Variants in CAMTA1 observed in about 807,000 individuals in gnomAD.
The protein encoded by CAMTA1 is calmodulin-binding transcription activator 1.
A neutral mutation model predicts 170.9 loss-of-function variants in CAMTA1; 27 were observed. The observed-to-expected ratio is 0.16, with a 90% CI of 0.12 to 0.22. The LOEUF is 0.22. Among genes scored for constraint, CAMTA1 ranks in the 10% least tolerant of loss-of-function variants. The probability of loss-of-function intolerance (pLI) is 1.00; values close to 1 mark genes in which losing one functional copy is unlikely to be tolerated. For missense variants in CAMTA1, 1,619 were observed against 2,217.2 expected (o/e 0.73, Z 5.42); for synonymous variants, 833 against 891.5 (o/e 0.93, Z 1.17).
At chr1:7,612,015 C>T (rs374975838) in intron 6 of CAMTA1, among the ~76,000 whole-genome samples, 1 of 152,252 alleles carries the variant, frequency 6.6e-6, no homozygotes. Context: ...TGCTTTTGGG[C>T]TCTGGCCCCA....
chr1:6,811,074 C>T (rs544351659), intron 1 of CAMTA1, among the ~76,000 whole-genome samples: 1 of 152,166 alleles, frequency 6.6e-6, no homozygotes, highest in Non-Finnish European at 1.5e-5. Flanking sequence ...TATGTGCTCT[C>T]TCCTGTTAGA....
Position 7,736,332 on chromosome 1 carries a change from T to C in CAMTA1, c.3067-12T>C. 1 of 1,612,986 alleles carries C rather than the reference T, an allele frequency of 6.2e-7. No individual in the cohort carries two copies. The highest frequency in any genetic ancestry group is 1.1e-5 in the South Asian group (1 of 90,942). ...TAGTCCTGAGGTCGTAACGTGCGCT[T>C]TTTTGTGACAGTGTGCTTCTGGGAC... On this transcript the variant is annotated splice_polypyrimidine_tract_variant and intron_variant, in intron 12 of 22. Coordinates refer to ENST00000303635, the MANE Select transcript of CAMTA1 (RefSeq NM_015215.4). This position sits in a 1 kb window ranked among gnomAD's most constrained non-coding sequence, Gnocchi z 4.5.
chr1:7,695,243 C>T (rs561437276), intron 11 of CAMTA1, among the ~76,000 whole-genome samples: 22 of 152,268 alleles, frequency 1.4e-4, no homozygotes, highest in Admixed American at 3.3e-4. Flanking sequence ...AAATGACTGA[C>T]GCATTCATCA....
chr1:7,531,664 G>A (rs2094493995), intron 6 of CAMTA1, among the ~76,000 whole-genome samples: 2 of 152,362 alleles, frequency 1.3e-5, no homozygotes, highest in South Asian at 4.1e-4. Context: ...CCTCTCGCCA[G>A]GTCCACTCCC....
At chr1:7,318,288 G>GC (rs1677841253) in intron 5 of CAMTA1, among the ~76,000 whole-genome samples, 1 of 152,236 alleles carries the variant, frequency 6.6e-6, no homozygotes, top group Admixed American at 6.5e-5. Context: ...CATTGGGTCA[G>GC]CCCGTAAAGG....
At chr1:7,184,419 C>T (rs1652837765) in intron 4 of CAMTA1, among the ~76,000 whole-genome samples, 1 of 152,126 alleles carries the variant, frequency 6.6e-6, no homozygotes, top group African/African-American at 2.4e-5. Flanking sequence ...GTGATGGACA[C>T]ACCATTTATC....
chr1:7,612,615 G>A (rs769792403), intron 6 of CAMTA1, among the ~76,000 whole-genome samples: 13 of 152,258 alleles, frequency 8.5e-5, no homozygotes, highest in Middle Eastern at 3.4e-3. Flanking sequence ...GTATTTCCTT[G>A]CCTCCTGTCC....
chr1:7,135,005 A>C, intron 4 of CAMTA1, among the ~76,000 whole-genome samples: 1 of 152,196 alleles, frequency 6.6e-6, no homozygotes, highest in East Asian at 1.9e-4. Context: ...CACATGGAAA[A>C]ATGCTCATCC....
chr1:7,587,400 G>A (rs920999953), intron 6 of CAMTA1, among the ~76,000 whole-genome samples: 3 of 152,076 alleles, frequency 2.0e-5, no homozygotes, highest in African/African-American at 7.3e-5. Context: ...TACCGGGAGT[G>A]TGGGGCCTGC....
chr1:6,806,736 C>G (rs975251012), intron 1 of CAMTA1, among the ~76,000 whole-genome samples: 2 of 152,004 alleles, frequency 1.3e-5, no homozygotes, highest in Admixed American at 1.3e-4. Flanking sequence ...ATGTGGTATT[C>G]TGGTTAATAT....
At chr1:6,930,748 G>A (rs1439153008) in intron 3 of CAMTA1, among the ~76,000 whole-genome samples, 2 of 152,220 alleles carry the variant, frequency 1.3e-5, no homozygotes, top group African/African-American at 4.8e-5. Context: ...AGCCATCTCT[G>A]GTCTCTGGGG....
intron 6 of CAMTA1, among the ~76,000 whole-genome samples, chr1:7,483,823 G>A (rs1033441110): frequency 2.6e-5 from 4 of 152,124 alleles, no homozygotes; most frequent in Admixed American, 6.5e-5. Context: ...CCCACAGGCC[G>A]TGGCAGGACC....
chr1:7,761,068 C>G (rs2096971566), intron 22 of CAMTA1, among the ~76,000 whole-genome samples: 1 of 152,212 alleles, frequency 6.6e-6, no homozygotes, highest in South Asian at 2.1e-4. Flanking sequence ...TACGACATCA[C>G]TTCAGTACAT....
intron 3 of CAMTA1, among the ~76,000 whole-genome samples, chr1:7,036,867 T>A (rs541697945): frequency 6.6e-5 from 10 of 152,370 alleles, no homozygotes; most frequent in African/African-American, 2.4e-4. Context: ...GCAGGTGCCC[T>A]GCTATTTGCA....
chr1:7,655,581 C>T (rs1576637043), intron 7 of CAMTA1, among the ~76,000 whole-genome samples: 1 of 106,466 alleles, frequency 9.4e-6, no homozygotes, highest in Non-Finnish European at 2.2e-5. Context: ...CACCTACACA[C>T]ACAAACACCC....
intron 6 of CAMTA1, among the ~76,000 whole-genome samples, chr1:7,550,732 C>T (rs2150177482): frequency 6.7e-6 from 1 of 149,258 alleles, no homozygotes; most frequent in South Asian, 2.1e-4. Flanking sequence ...CCTGACTCCT[C>T]CCCACTGAAC....
intron 4 of CAMTA1, among the ~76,000 whole-genome samples, chr1:7,129,469 G>A (rs937278225): frequency 6.6e-6 from 1 of 152,148 alleles, no homozygotes; most frequent in Admixed American, 6.5e-5. Flanking sequence ...TGAGGGGAGG[G>A]GGAGCGTTTT....
intron 6 of CAMTA1, among the ~76,000 whole-genome samples, chr1:7,557,733 C>T (rs959125700): frequency 5.3e-5 from 8 of 152,140 alleles, no homozygotes; most frequent in Admixed American, 2.0e-4. Context: ...ACACAGACAC[C>T]GGGTGAGTTA....
chr1:6,964,285 G>A (rs979563230), intron 3 of CAMTA1, among the ~76,000 whole-genome samples: 1 of 151,902 alleles, frequency 6.6e-6, no homozygotes, highest in East Asian at 1.9e-4. Flanking sequence ...CGGAGTCCTG[G>A]GTGTTCATGT....
Sources: gnomAD v4.1 joint callset for allele counts (sites outside exome capture counted in the v4.1 genomes callset) on GRCh38, gnomAD v4.1.1 for gene constraint, Gnocchi (gnomAD v3.1) non-coding constraint, MANE v1.5 for transcripts, NCBI Gene and HGNC (gene_info 2026-07-23, HGNC 2026-07-21) for gene names.